Variants in COG5 observed in about 807,000 individuals in gnomAD.
COG5 encodes conserved oligomeric Golgi complex subunit 5.
A neutral mutation model predicts 110.4 loss-of-function variants in COG5; 86 were observed. The observed-to-expected ratio is 0.78, with a 90% CI of 0.65 to 0.93. The LOEUF (loss-of-function observed/expected upper bound fraction) is 0.93. Ranked by LOEUF, COG5 falls within the 40% of genes least tolerant of loss-of-function variation. The pLI is 0.00. For missense variants in COG5, 1,077 were observed against 987.0 expected (o/e 1.09, Z -1.22); for synonymous variants, 360 against 334.6 (o/e 1.08, Z -0.83).
At chr7:107,205,710 C>T (rs1405032638) in intron 21 of COG5, among the ~76,000 whole-genome samples, 2 of 152,190 alleles carry the variant, frequency 1.3e-5, no homozygotes, top group Non-Finnish European at 2.9e-5. Context: ...TCTCTTAGGA[C>T]TCGGCTTCAA....
intron 6 of COG5, among the ~76,000 whole-genome samples, chr7:107,512,822 G>A (rs1799625550): frequency 2.0e-5 from 3 of 151,362 alleles, no homozygotes; most frequent in South Asian, 2.1e-4. Flanking sequence ...AATAAATGGT[G>A]CTGGGAAAAC....
rs1054276801 is a variant in COG5 at position 107,546,941 on chromosome 7, C to T, written c.417+1170G>A. Among the ~76,000 whole-genome samples the T allele has an allele frequency of 2.6e-5, 4 of 152,212 alleles. No individual in the cohort carries two copies. In the South Asian group the frequency reaches 8.3e-4, roughly 32 times the overall value. ...TGATGGCTTTACTGTTGAATTCTAC[C>T]ATACATTTAAAGAAAAACTAATACC... On this transcript the variant is annotated intron_variant, in intron 5 of 21. Transcript: ENST00000297135.
intron 6 of COG5, among the ~76,000 whole-genome samples, chr7:107,525,496 A>G (rs926030401): frequency 6.6e-6 from 1 of 151,994 alleles, no homozygotes; most frequent in African/African-American, 2.4e-5. Flanking sequence ...TTACCCTTCT[A>G]TGTTTAGATA....
intron 6 of COG5, among the ~76,000 whole-genome samples, chr7:107,416,056 A>G (rs1792820941): frequency 6.6e-6 from 1 of 150,632 alleles, no homozygotes; most frequent in South Asian, 2.1e-4. Flanking sequence ...CAACATTGTA[A>G]GTTAGTAAAA....
At chr7:107,294,881 TTGTGTG>T (rs756358916) in intron 12 of COG5, among the ~76,000 whole-genome samples, 7,788 of 94,084 alleles carry the variant, frequency 0.083, 941 homozygotes, top group African/African-American at 0.28. Context: ...ATGCCTGGAT[TTGTGTG>T]TGTGTGTGTG....
At chr7:107,497,731 A>G (rs1227851566) in intron 6 of COG5, among the ~76,000 whole-genome samples, 2 of 152,206 alleles carry the variant, frequency 1.3e-5, no homozygotes, top group African/African-American at 4.8e-5. Flanking sequence ...AGTGGTCTAC[A>G]GATTCAATGC....
chr7:107,206,324 G>C (rs907054121), intron 21 of COG5, among the ~76,000 whole-genome samples: 1 of 152,166 alleles, frequency 6.6e-6, no homozygotes, highest in Non-Finnish European at 1.5e-5. Flanking sequence ...TCAAGTCCCA[G>C]CTAACATACC....
intron 19 of COG5, among the ~76,000 whole-genome samples, chr7:107,216,576 T>C (rs761656521): frequency 2.9e-4 from 44 of 152,280 alleles, no homozygotes; most frequent in Admixed American, 5.2e-4. Context: ...GGTATGAAAC[T>C]AGACATCAAT....
At chr7:107,366,829 C>G (rs550774357) in intron 8 of COG5, among the ~76,000 whole-genome samples, 2 of 152,176 alleles carry the variant, frequency 1.3e-5, no homozygotes, top group South Asian at 2.1e-4. Context: ...ATGAGTGAAT[C>G]TGAATAAGAA....
chr7:107,340,758 T>G (rs955387673), intron 10 of COG5, among the ~76,000 whole-genome samples: 19 of 152,118 alleles, frequency 1.2e-4, no homozygotes, highest in African/African-American at 4.3e-4. Flanking sequence ...ATTAAACATA[T>G]AAACAGAATT....
intron 12 of COG5, among the ~76,000 whole-genome samples, chr7:107,297,443 C>CTTTTTT (rs71314693): frequency 0.014 from 1,058 of 77,968 alleles, 36 homozygotes; most frequent in East Asian, 0.021. Flanking sequence ...TACATTCTGC[C>CTTTTTT]TTTTTTTTTT....
At chr7:107,366,117 C>G (rs1029668351) in intron 8 of COG5, among the ~76,000 whole-genome samples, 3 of 152,036 alleles carry the variant, frequency 2.0e-5, no homozygotes, top group Admixed American at 2.0e-4. Flanking sequence ...CAGTTTTCCA[C>G]TGTCTCAAAT....
chr7:107,483,618 C>T (rs1797475709), intron 6 of COG5, among the ~76,000 whole-genome samples: 1 of 151,668 alleles, frequency 6.6e-6, no homozygotes, highest in Non-Finnish European at 1.5e-5. Flanking sequence ...GCAGGAGAAT[C>T]GCTTGAACCT....
At chr7:107,558,307 A>G (rs143928363) in intron 1 of COG5, among the ~76,000 whole-genome samples, 192 bp from the exon 2 acceptor site, 3 of 152,374 alleles carry the variant, frequency 2.0e-5, no homozygotes, top group East Asian at 1.9e-4. Flanking sequence ...ATTAAAAAAC[A>G]TAACGACTGG....
chr7:107,264,982 T>C (rs1402505725), intron 14 of COG5, among the ~76,000 whole-genome samples: 1 of 152,042 alleles, frequency 6.6e-6, no homozygotes, highest in Non-Finnish European at 1.5e-5. Context: ...AAAGAAATAG[T>C]ATGAAGCATT....
chr7:107,491,132 T>C (rs1043909367), intron 6 of COG5, among the ~76,000 whole-genome samples: 1 of 152,142 alleles, frequency 6.6e-6, no homozygotes, highest in African/African-American at 2.4e-5. Flanking sequence ...TAGGTGGCTA[T>C]TCTTCAGTAT....
chr7:107,489,254 T>C (rs774449089), intron 6 of COG5, among the ~76,000 whole-genome samples: 6 of 152,210 alleles, frequency 3.9e-5, no homozygotes, highest in Admixed American at 3.9e-4. Context: ...TTCGCTAAAA[T>C]GTATTCTTAT....
At chr7:107,243,126 G>A (rs1206145065) in intron 17 of COG5, among the ~76,000 whole-genome samples, 1 of 152,132 alleles carries the variant, frequency 6.6e-6, no homozygotes, top group African/African-American at 2.4e-5. Context: ...ATAACGGTAA[G>A]GGTTCAATTC....
At chr7:107,327,584 G>T (rs752940785) in intron 10 of COG5, among the ~76,000 whole-genome samples, 2 of 152,044 alleles carry the variant, frequency 1.3e-5, no homozygotes, top group Non-Finnish European at 2.9e-5. Context: ...AAATGGCTCT[G>T]ACAATTCAAC....
Sources: gnomAD v4.1 joint callset for allele counts (sites outside exome capture counted in the v4.1 genomes callset) on GRCh38, gnomAD v4.1.1 for gene constraint, MANE v1.5 for transcripts, NCBI Gene and HGNC (gene_info 2026-07-23, HGNC 2026-07-21) for gene names.